The following GRID1 variants were observed in gnomAD, a reference collection of about 807,000 sequenced individuals.
GRID1 encodes the protein glutamate ionotropic receptor delta type subunit 1.
In GRID1, 28 loss-of-function variants were observed where a neutral mutation model predicts 98.0. The observed-to-expected ratio is 0.29, with a 90% confidence interval of 0.21 to 0.39. The LOEUF is 0.39. Among genes scored for constraint, GRID1 ranks in the 10% least tolerant of loss-of-function variants. The pLI is 1.00. For synonymous variants in GRID1, 553 were observed against 538.5 expected (o/e 1.03, Z -0.37); for missense variants, 1,111 against 1,340.5 (o/e 0.83, Z 2.67).
chr10:86,269,654 T>C (rs535495942), intron 2 of GRID1, among the ~76,000 whole-genome samples: 1 of 152,362 alleles, frequency 6.6e-6, no homozygotes, highest in Admixed American at 6.5e-5. Flanking sequence ...GCTGGCCCTT[T>C]CCTCAGGCCC....
chr10:86,023,170 C>A (rs761698844), intron 4 of GRID1, among the ~76,000 whole-genome samples: 11 of 152,076 alleles, frequency 7.2e-5, no homozygotes, highest in Middle Eastern at 3.2e-3. Context: ...AGAGGCCCTG[C>A]GGAGGGATGC....
intron 8 of GRID1, among the ~76,000 whole-genome samples, chr10:85,817,447 G>C (rs965661713): frequency 6.6e-6 from 1 of 152,000 alleles, no homozygotes; most frequent in Non-Finnish European, 1.5e-5. Context: ...GAGAGCCTGA[G>C]CCCAAGAGGT....
chr10:85,786,930 C>T (rs1390752479), intron 8 of GRID1, among the ~76,000 whole-genome samples: 2 of 152,158 alleles, frequency 1.3e-5, no homozygotes, highest in East Asian at 1.9e-4. Context: ...AGAAATGGGG[C>T]CTCTCTCCAG....
intron 5 of GRID1, among the ~76,000 whole-genome samples, chr10:85,900,640 T>G (rs1841367863): frequency 6.6e-6 from 1 of 152,182 alleles, no homozygotes. Flanking sequence ...TACAGGGAGT[T>G]GGAACTTGAA....
intron 4 of GRID1, among the ~76,000 whole-genome samples, chr10:86,099,987 G>A (rs916819058): frequency 2.6e-5 from 4 of 152,178 alleles, no homozygotes; most frequent in African/African-American, 9.7e-5. Flanking sequence ...CAGGGATGCT[G>A]GTGCAGGGAA....
intron 13 of GRID1, among the ~76,000 whole-genome samples, chr10:85,620,589 C>T (rs559348011): frequency 1.3e-5 from 2 of 152,176 alleles, no homozygotes; most frequent in East Asian, 3.8e-4. Flanking sequence ...CAAGCACAAG[C>T]ACATGTCTAG....
In GRID1 at chr10:85,727,867, C is replaced by T. The variant is rs763737455; in HGVS notation, c.1521G>A (p.Glu507=). 1 of 1,613,038 alleles carries T rather than the reference C, an allele frequency of 6.2e-7. No individual in the cohort carries two copies. The highest frequency in any genetic ancestry group is 2.2e-5 in the East Asian group (1 of 44,864). The change falls in exon 10 of 16, where the codon GAG becomes GAA. Residue 507 remains glutamate (E), a synonymous_variant. Transcript: ENST00000327946. Reference sequence around the variant, plus strand: ...TATGGGGACCTACCTTGCTGATGAGCTCCCCGATCATCCCGTTCCAGGAGG... The same window carrying T: ...TATGGGGACCTACCTTGCTGATGAGTTCCCCGATCATCCCGTTCCAGGAGG... ...HNTSWNGMIG[E]LISKRADLAI...
At chr10:85,824,178 TTTTGTTTGTTTG>T (rs3057656) in intron 8 of GRID1, among the ~76,000 whole-genome samples, 12 of 151,556 alleles carry the variant, frequency 7.9e-5, no homozygotes, top group East Asian at 1.9e-4. Context: ...AAAGAGTTGA[TTTTGTTTGTTTG>T]TTTGTTTGTT....
At chr10:85,713,217 A>G (rs1841601245) in intron 12 of GRID1, among the ~76,000 whole-genome samples, 1 of 151,794 alleles carries the variant, frequency 6.6e-6, no homozygotes, top group African/African-American at 2.4e-5. Flanking sequence ...ATTATAAATG[A>G]AAAAGAAGCA....
At chr10:86,338,722 T>A (rs2132108261) in intron 2 of GRID1, among the ~76,000 whole-genome samples, 1 of 152,212 alleles carries the variant, frequency 6.6e-6, no homozygotes, top group Admixed American at 6.5e-5. Context: ...CACACCCAGA[T>A]AATTTTTGTG....
At chr10:86,144,531 C>T (rs1845056652) in intron 3 of GRID1, among the ~76,000 whole-genome samples, 3 of 152,268 alleles carry the variant, frequency 2.0e-5, no homozygotes, top group East Asian at 1.9e-4. Flanking sequence ...CGGTACATCC[C>T]GGCCGCTCGC....
intron 8 of GRID1, among the ~76,000 whole-genome samples, chr10:85,829,093 CAA>C (rs1842845261): frequency 6.6e-6 from 1 of 152,034 alleles, no homozygotes; most frequent in African/African-American, 2.4e-5. Context: ...AGCAACATAT[CAA>C]AAAGCGAATC....
intron 2 of GRID1, among the ~76,000 whole-genome samples, chr10:86,231,213 C>T (rs530408934): frequency 2.0e-5 from 3 of 152,268 alleles, no homozygotes; most frequent in South Asian, 2.1e-4. Context: ...AAATTCCAAG[C>T]GGAAATGGTT....
At chr10:86,318,271 G>A (rs1241105474) in intron 2 of GRID1, among the ~76,000 whole-genome samples, 1 of 152,214 alleles carries the variant, frequency 6.6e-6, no homozygotes, top group Non-Finnish European at 1.5e-5. Context: ...GTGGACCCCA[G>A]AAGTCATGGC....
At chr10:85,907,483 T>C (rs1002528995) in intron 5 of GRID1, among the ~76,000 whole-genome samples, 2 of 152,208 alleles carry the variant, frequency 1.3e-5, no homozygotes, top group Admixed American at 6.5e-5. Flanking sequence ...CAAACTTACT[T>C]GAGAACAAAT....
intron 4 of GRID1, among the ~76,000 whole-genome samples, chr10:86,064,458 G>C (rs189128702): frequency 1.8e-4 from 28 of 152,364 alleles, no homozygotes; most frequent in Admixed American, 1.7e-3. Context: ...CAAGTTACCA[G>C]AGGTGCTAGG....
chr10:86,349,126 C>A (rs1375632740), intron 2 of GRID1, among the ~76,000 whole-genome samples: 6 of 152,206 alleles, frequency 3.9e-5, no homozygotes, highest in Non-Finnish European at 2.9e-5. Flanking sequence ...TCACGGCTGT[C>A]AGGCTCACTG....
chr10:85,724,252 T>A (rs1048945264), intron 11 of GRID1, 100 bp downstream of exon 11: 2 of 855,504 alleles, frequency 2.3e-6, no homozygotes, highest in Non-Finnish European at 3.6e-6. Context: ...TAAAATTGCA[T>A]TTGGAATGAC....
At chr10:86,246,938 C>G (rs541913513) in intron 2 of GRID1, among the ~76,000 whole-genome samples, 21 of 152,266 alleles carry the variant, frequency 1.4e-4, no homozygotes, top group Non-Finnish European at 2.6e-4. Flanking sequence ...CCTTGGATCA[C>G]TAAATATGGC....
Sources: allele counts gnomAD v4.1 joint callset (sites outside exome capture counted in the v4.1 genomes callset), GRCh38; gene constraint gnomAD v4.1.1; transcripts MANE v1.5; gene names NCBI Gene and HGNC (gene_info 2026-07-23, HGNC 2026-07-21).